The following RALGPS1 variants were observed in gnomAD, a reference collection of about 807,000 sequenced individuals.
RALGPS1 encodes ras-specific guanine nucleotide-releasing factor RalGPS1.
RALGPS1 carries 19 observed loss-of-function variants against 78.8 expected under a neutral mutation model. The ratio of observed to expected loss-of-function variants is 0.24; its 90% CI spans 0.17 to 0.35. RALGPS1 has a LOEUF of 0.35. Ranked by LOEUF, RALGPS1 falls within the 10% of genes least tolerant of loss-of-function variation. The pLI is 1.00. For missense variants in RALGPS1, 454 were observed against 688.3 expected, an observed-to-expected ratio of 0.66 and a Z score of 3.81; for synonymous variants, 228 against 256.3, an observed-to-expected ratio of 0.89 and a Z score of 1.06.
intron 4 of RALGPS1, chr9:126,990,252 C>T (rs2042166517): frequency 4.1e-6 from 2 of 489,658 alleles, no homozygotes; most frequent in South Asian, 5.1e-5. Flanking sequence ...CAGACCATCT[C>T]TCTCTGCTAC....
Position 126,999,576 on chromosome 9 carries a change from A to G in RALGPS1, c.216+21831A>G, listed in dbSNP as rs537640365. On this transcript the variant is annotated intron_variant, in intron 4 of 18. Transcript: ENST00000259351. ...GAATGTCTTATAGTTAGAATCATAT[A>G]GTATGTAGCCTTTTCAGATTGGCTT... Among the ~76,000 whole-genome samples, 30 of 152,320 alleles carry G rather than the reference A, an allele frequency of 2.0e-4. No homozygotes were observed. In the East Asian group the frequency reaches 5.2e-3, roughly 26 times the overall value.
intron 1 of RALGPS1, among the ~76,000 whole-genome samples, chr9:126,959,371 T>A (rs2038668185): frequency 6.6e-6 from 1 of 152,172 alleles, no homozygotes; most frequent in Non-Finnish European, 1.5e-5. Context: ...CCATATATCT[T>A]CTTTTGTGAA....
At chr9:127,187,909 A>T (rs1259382401) in intron 11 of RALGPS1, among the ~76,000 whole-genome samples, 1 of 152,140 alleles carries the variant, frequency 6.6e-6, no homozygotes, top group Non-Finnish European at 1.5e-5. Flanking sequence ...GCACAGCAGA[A>T]TCACCTGGAG....
rs185686185 is a variant in RALGPS1, at chr9:127,036,083, C to T, written c.300+1569C>T. ...GGATGCCAGGTCAACTTGGCAAAGGCGATGTGGCTTATTCTGTGAACAATT... is the reference window on the plus strand; with the variant it reads ...GGATGCCAGGTCAACTTGGCAAAGGTGATGTGGCTTATTCTGTGAACAATT... On this transcript the variant is annotated intron_variant, in intron 5 of 18. Coordinates refer to ENST00000259351, the MANE Select transcript of RALGPS1 (RefSeq NM_014636.3). Among the ~76,000 whole-genome samples, 156 of 152,280 alleles carry T rather than the reference C, an allele frequency of 1.0e-3. 2 individuals carry two copies. Among genetic ancestry groups the T allele is most frequent in the African/African-American group, 1.4e-3 (59 of 41,536 alleles).
At chr9:127,088,790 C>T (rs529608523) in intron 8 of RALGPS1, 75 of 860,292 alleles carry the variant, frequency 8.7e-5, no homozygotes, top group African/African-American at 3.7e-4. Flanking sequence ...TTCCATCATC[C>T]GCTGCAGTGA....
At chr9:127,013,734 G>T (rs764327116) in intron 4 of RALGPS1, among the ~76,000 whole-genome samples, 3 of 152,082 alleles carry the variant, frequency 2.0e-5, no homozygotes, top group Non-Finnish European at 4.4e-5. Context: ...CATCTCTAAG[G>T]GGGGCGTGCA....
intron 4 of RALGPS1, among the ~76,000 whole-genome samples, chr9:126,992,388 C>A (rs2042358661): frequency 6.6e-6 from 1 of 152,146 alleles, no homozygotes; most frequent in African/African-American, 2.4e-5. Flanking sequence ...TTTTTTAATA[C>A]CTCTTTGCAA....
chr9:127,054,977 AAAAG>A lies in RALGPS1; in HGVS notation c.483+2040_483+2043del, dbSNP rs543243337. 2.9e-4 allele frequency among the ~76,000 whole-genome samples: 42 copies of A among 143,574 alleles called. No homozygotes were observed. The East Asian group carries it at 6.4e-3, about 22-fold the overall frequency. The allele number at this position is 143,574 out of a possible 152,430, so 94.2% of individuals were successfully genotyped here. The stretch of plus-strand genomic sequence containing the variant: ...TGGGTGACAAAGACCCCATCTCTGA[AAAAG>A]AGAGAGAGATTGATTGAGAGAGAGA... On this transcript the variant is annotated intron_variant, in intron 7 of 18. Coordinates refer to ENST00000259351, the MANE Select transcript of RALGPS1 (RefSeq NM_014636.3).
At chr9:126,972,931 G>A (rs1341248858) in intron 3 of RALGPS1, among the ~76,000 whole-genome samples, 6 of 151,884 alleles carry the variant, frequency 4.0e-5, no homozygotes, top group East Asian at 1.9e-4. Flanking sequence ...GCATGGTGGC[G>A]CACACGTGTA....
intron 8 of RALGPS1, among the ~76,000 whole-genome samples, chr9:127,082,976 T>C (rs1589369955): frequency 6.6e-6 from 1 of 152,282 alleles, no homozygotes; most frequent in South Asian, 2.1e-4. Context: ...TCATGTTAGT[T>C]AGCCACCTGG....
At chr9:127,008,535 T>C (rs2044064719) in intron 4 of RALGPS1, among the ~76,000 whole-genome samples, 1 of 152,126 alleles carries the variant, frequency 6.6e-6, no homozygotes, top group Non-Finnish European at 1.5e-5. Flanking sequence ...GGGGTGAAGC[T>C]GAACATCTTA....
chr9:127,129,085 T>A (rs1443607546), intron 8 of RALGPS1, among the ~76,000 whole-genome samples: 1 of 152,138 alleles, frequency 6.6e-6, no homozygotes, highest in Non-Finnish European at 1.5e-5. Flanking sequence ...AGAGTTGGGC[T>A]CTAGGTCAAT....
chr9:127,035,226 T>G (rs2046765248), intron 5 of RALGPS1, among the ~76,000 whole-genome samples: 1 of 152,178 alleles, frequency 6.6e-6, no homozygotes, highest in African/African-American at 2.4e-5. Context: ...ATAGATGAGG[T>G]GCTCAGGAAG....
chr9:126,962,455 C>T, intron 2 of RALGPS1, 109 bp downstream of exon 2: 1 of 1,110,602 alleles, frequency 9.0e-7, no homozygotes, highest in Non-Finnish European at 1.3e-6. Context: ...GTGAATACCA[C>T]CATTCTTAGC....
chr9:127,204,743 G>GTGGGATCA (rs1340513168), intron 14 of RALGPS1, among the ~76,000 whole-genome samples: 16 of 152,214 alleles, frequency 1.1e-4, no homozygotes, highest in Non-Finnish European at 1.3e-4. Context: ...GTTTTAGCTG[G>GTGGGATCA]TGGGATCATC....
chr9:127,089,362 C>G (rs917627861), intron 8 of RALGPS1, among the ~76,000 whole-genome samples: 2 of 152,172 alleles, frequency 1.3e-5, no homozygotes, highest in African/African-American at 4.8e-5. Context: ...AGTGACTTGA[C>G]CTCTCCCAGC....
At chr9:127,194,757 G>A (rs909316707) in intron 11 of RALGPS1, among the ~76,000 whole-genome samples, 1 of 152,178 alleles carries the variant, frequency 6.6e-6, no homozygotes, top group Non-Finnish European at 1.5e-5. Context: ...TCACCAGCTG[G>A]ATGTCCTTAG....
intron 1 of RALGPS1, among the ~76,000 whole-genome samples, chr9:126,950,036 A>C (rs1266661028): frequency 1.3e-5 from 2 of 151,742 alleles, no homozygotes; most frequent in African/African-American, 4.8e-5. Flanking sequence ...ACATATGGCT[A>C]GCCAGTTTTC....
At chr9:126,992,828 G>A (rs1433027707) in intron 4 of RALGPS1, among the ~76,000 whole-genome samples, 1 of 152,222 alleles carries the variant, frequency 6.6e-6, no homozygotes, top group Non-Finnish European at 1.5e-5. Context: ...AATAATGACA[G>A]TCTTGTTTCT....
Sources: allele counts gnomAD v4.1 joint callset (sites outside exome capture counted in the v4.1 genomes callset), GRCh38; gene constraint gnomAD v4.1.1; transcripts MANE v1.5; gene names NCBI Gene and HGNC (gene_info 2026-07-23, HGNC 2026-07-21).